The following SMURF2 variants were observed in gnomAD, a reference collection of about 807,000 sequenced individuals.
SMURF2 encodes SMAD specific E3 ubiquitin protein ligase 2.
SMURF2 carries 48 observed loss-of-function variants against 109.6 expected under a neutral mutation model. The observed-to-expected ratio is 0.44, with a 90% CI of 0.35 to 0.56. The LOEUF is 0.56. Ranked by LOEUF, SMURF2 falls within the 20% of genes least tolerant of loss-of-function variation. SMURF2 has a pLI of 0.01. For synonymous variants in SMURF2, 288 were observed against 317.1 expected (o/e 0.91, Z 0.97); for missense variants, 575 against 909.0 (o/e 0.63, Z 4.72).
chr17:64,585,497 A>T (rs1483222181), intron 6 of SMURF2, among the ~76,000 whole-genome samples: 1 of 152,202 alleles, frequency 6.6e-6, no homozygotes, highest in Non-Finnish European at 1.5e-5. Context: ...AATAAATATA[A>T]ACCAAAGCAT....
intron 1 of SMURF2, among the ~76,000 whole-genome samples, chr17:64,607,026 T>C (rs1555689113): frequency 1.3e-5 from 2 of 151,382 alleles, no homozygotes; most frequent in Non-Finnish European, 2.9e-5. Flanking sequence ...CTGAAGAGGA[T>C]CACAAATAAA....
intron 1 of SMURF2, among the ~76,000 whole-genome samples, chr17:64,629,498 T>C (rs535155339): frequency 3.3e-5 from 5 of 152,302 alleles, no homozygotes; most frequent in South Asian, 2.1e-4. Context: ...AGAGAGACCC[T>C]GTCTCTAAGA....
intron 4 of SMURF2, 36 bp downstream of exon 4, chr17:64,593,404 T>C: frequency 6.3e-7 from 1 of 1,591,346 alleles, no homozygotes; most frequent in Non-Finnish European, 8.6e-7. Flanking sequence ...CACACATATA[T>C]GTTTTTTAAT....
intron 15 of SMURF2, among the ~76,000 whole-genome samples, chr17:64,552,739 T>C (rs1969063196): frequency 6.6e-6 from 1 of 152,210 alleles, no homozygotes; most frequent in Non-Finnish European, 1.5e-5. Flanking sequence ...AGTCTCGTTC[T>C]GTCACCCAGG....
rs1444375979 is a variant in SMURF2 at position 64,581,701 on chromosome 17, T to C, written c.570-710A>G. ...GGCTCACACCTGTAATCCCAGCACT[T>C]TGGGAGACCGAAGCGAGCGGATCAC... On this transcript the variant is annotated intron_variant, in intron 7 of 18. Transcript: ENST00000262435. The surrounding 1 kb of genome is among the most constrained non-coding windows in gnomAD (Gnocchi z 4.3). 6.6e-6 allele frequency among the ~76,000 whole-genome samples: 1 copy of C among 152,112 alleles called. No homozygotes were observed. The highest frequency in any genetic ancestry group is 2.4e-5 in the African/African-American group (1 of 41,408).
At chr17:64,634,088 A>G (rs1970383316) in intron 1 of SMURF2, among the ~76,000 whole-genome samples, 1 of 152,188 alleles carries the variant, frequency 6.6e-6, no homozygotes, top group Non-Finnish European at 1.5e-5. Flanking sequence ...CAGAAGCTGG[A>G]GGTTGCAGTG....
At chr17:64,639,953 G>A (rs1433042952) in intron 1 of SMURF2, among the ~76,000 whole-genome samples, 4 of 152,132 alleles carry the variant, frequency 2.6e-5, no homozygotes, top group African/African-American at 9.7e-5. Flanking sequence ...TAATAAAAGT[G>A]TACCAATATT....
intron 3 of SMURF2, among the ~76,000 whole-genome samples, chr17:64,596,585 C>CAAAAAAAAAAAAAAAAAAAAAA (rs201858792): frequency 2.2e-5 from 1 of 45,470 alleles, no homozygotes; most frequent in African/African-American, 6.3e-5. Flanking sequence ...GGAGAGTAAA[C>CAAAAAAAAAAAAAAAAAAAAAA]AAAAAAAAAA....
At chr17:64,594,302 T>C (rs1969788139) in intron 3 of SMURF2, among the ~76,000 whole-genome samples, 1 of 152,180 alleles carries the variant, frequency 6.6e-6, no homozygotes, top group Admixed American at 6.6e-5. Context: ...GCAACCTTGA[T>C]CTTAAAGTAT....
intron 16 of SMURF2, among the ~76,000 whole-genome samples, chr17:64,551,091 G>A (rs1969038629): frequency 6.6e-6 from 1 of 152,110 alleles, no homozygotes. Context: ...TGGGCATGGT[G>A]GCTCAAGCCT....
Position 64,653,241 on chromosome 17 carries a change from G to C in SMURF2, c.52+8588C>G, listed in dbSNP as rs538239576. Among the ~76,000 whole-genome samples the C allele has an allele frequency of 5.9e-5, 9 of 152,074 alleles. No homozygotes were observed. In the South Asian group the frequency reaches 1.5e-3, roughly 25 times the overall value. On this transcript the variant is annotated intron_variant, in intron 1 of 18. Transcript: ENST00000262435. ...ATCCAATTTTAAAACATGAACAAAAGATTTGGATATTCACCAAAGATTATA... is the reference window on the plus strand; with the variant it reads ...ATCCAATTTTAAAACATGAACAAAACATTTGGATATTCACCAAAGATTATA...
At chr17:64,563,567 T>A (rs1274615143) in intron 10 of SMURF2, among the ~76,000 whole-genome samples, 1 of 152,224 alleles carries the variant, frequency 6.6e-6, no homozygotes, top group Non-Finnish European at 1.5e-5. Flanking sequence ...TATAATCTTA[T>A]TTTTTAAATG....
rs1214109477 is a variant in SMURF2, at chr17:64,662,002, G to A, written c.-122C>T. The A allele has an allele frequency of 1.8e-6, 2 of 1,108,994 alleles. No homozygotes were observed. Among genetic ancestry groups the A allele is most frequent in the African/African-American group, 1.7e-5 (1 of 59,850 alleles). 68.7% of individuals were successfully genotyped at this position (1,108,994 alleles called of 1,614,324 possible). ...AGCCGGCGCCTCGGCCGCCACGGCC[G>A]GAGGGTCCCGGATGTGCCGAGAGTC... On this transcript the variant is annotated 5_prime_UTR_variant, in exon 1 of 19. Transcript: ENST00000262435.
chr17:64,582,778 T>A (rs909371164), intron 7 of SMURF2, among the ~76,000 whole-genome samples: 9 of 152,094 alleles, frequency 5.9e-5, no homozygotes, highest in Non-Finnish European at 1.2e-4. Flanking sequence ...TTTGTATTTT[T>A]AGTAGAGATG....
chr17:64,582,262 T>C (rs1555686628), intron 7 of SMURF2, among the ~76,000 whole-genome samples: 14 of 152,234 alleles, frequency 9.2e-5, no homozygotes, highest in Non-Finnish European at 1.2e-4. Flanking sequence ...TAGTTCTGTA[T>C]AAATAAAAGT....
At chr17:64,646,200 G>A (rs1421639667) in intron 1 of SMURF2, among the ~76,000 whole-genome samples, 1 of 151,294 alleles carries the variant, frequency 6.6e-6, no homozygotes. Flanking sequence ...CGAGTAGCTG[G>A]GATTATAGGC....
At chr17:64,549,019 C>G (rs1555683382) in intron 16 of SMURF2, among the ~76,000 whole-genome samples, 1 of 151,988 alleles carries the variant, frequency 6.6e-6, no homozygotes, top group Non-Finnish European at 1.5e-5. Context: ...TGTGGTAGCT[C>G]ACGCCTGTAA....
At chr17:64,600,306 G>A (rs1555688431) in intron 2 of SMURF2, among the ~76,000 whole-genome samples, 7 of 152,276 alleles carry the variant, frequency 4.6e-5, no homozygotes, top group African/African-American at 1.7e-4. Context: ...TAATGAAAAT[G>A]ATTCTTTTGA....
At chr17:64,548,090 T>C (rs1349464145) in intron 16 of SMURF2, among the ~76,000 whole-genome samples, 12 of 152,152 alleles carry the variant, frequency 7.9e-5, no homozygotes, top group African/African-American at 1.7e-4. Context: ...ACAGCTGTGA[T>C]AGACTTGACC....
Sources: allele counts gnomAD v4.1 joint callset (sites outside exome capture counted in the v4.1 genomes callset), GRCh38; gene constraint gnomAD v4.1.1; non-coding constraint Gnocchi (gnomAD v3.1); transcripts MANE v1.5; gene names NCBI Gene and HGNC (gene_info 2026-07-23, HGNC 2026-07-21).